FAM171A1: variants seen among roughly 807,000 people sequenced by gnomAD.
The protein encoded by FAM171A1 is family with sequence similarity 171 member A1.
FAM171A1 carries 23 observed loss-of-function variants against 74.9 expected under a neutral mutation model. That is an observed-to-expected ratio of 0.31 (90% CI 0.22 to 0.44). The LOEUF (loss-of-function observed/expected upper bound fraction) is 0.44. FAM171A1 is among the 20% of genes least tolerant of loss of function. The probability of loss-of-function intolerance (pLI) is 1.00; values close to 1 mark genes in which losing one functional copy is unlikely to be tolerated. For synonymous variants in FAM171A1, 527 were observed against 505.7 expected (o/e 1.04, Z -0.57); for missense variants, 1,162 against 1,159.2 (o/e 1.00, Z -0.03).
chr10:15,342,155 TGA>T (rs1835771764), intron 1 of FAM171A1, among the ~76,000 whole-genome samples: 2 of 152,372 alleles, frequency 1.3e-5, no homozygotes. Context: ...CAAGCCATCC[TGA>T]GAGTCGTTTC....
intron 5 of FAM171A1, 78 bp from the exon 6 acceptor site, chr10:15,221,138 T>C: frequency 8.7e-7 from 1 of 1,146,796 alleles, no homozygotes; most frequent in Non-Finnish European, 1.3e-6. Flanking sequence ...GTAAAAGTCA[T>C]CTTAAATATC....
intron 2 of FAM171A1, among the ~76,000 whole-genome samples, chr10:15,281,937 T>C (rs1834975706): frequency 1.3e-5 from 2 of 152,324 alleles, no homozygotes; most frequent in African/African-American, 4.8e-5. Context: ...TCAAAATGAA[T>C]GTGATCAAAG....
intron 3 of FAM171A1, among the ~76,000 whole-genome samples, chr10:15,263,789 T>C (rs1461962084): frequency 7.2e-6 from 1 of 138,710 alleles, no homozygotes; most frequent in Non-Finnish European, 1.6e-5. Context: ...CTATCTATCA[T>C]CTATCCATCT....
intron 1 of FAM171A1, among the ~76,000 whole-genome samples, chr10:15,284,451 C>T (rs987581503): frequency 1.3e-5 from 2 of 152,084 alleles, no homozygotes; most frequent in Non-Finnish European, 2.9e-5. Flanking sequence ...TTGAAACAGT[C>T]TCACTCTGTT....
At chr10:15,326,555 C>A (rs563301377) in intron 1 of FAM171A1, among the ~76,000 whole-genome samples, 1 of 152,124 alleles carries the variant, frequency 6.6e-6, no homozygotes, top group African/African-American at 2.4e-5. Flanking sequence ...CTCAGGTGAT[C>A]CACCTGCCTC....
At chr10:15,221,784 T>C (rs1007107826) in intron 5 of FAM171A1, among the ~76,000 whole-genome samples, 16 of 151,914 alleles carry the variant, frequency 1.1e-4, no homozygotes, top group Admixed American at 6.6e-4. Context: ...ACAAAACTTT[T>C]CCAAGGCCTC....
chr10:15,290,912 A>T (rs11259597), intron 1 of FAM171A1, among the ~76,000 whole-genome samples: 1 of 151,934 alleles, frequency 6.6e-6, no homozygotes, highest in African/African-American at 2.4e-5. Context: ...TGTTTTGTTT[A>T]GAGTCTTAGC....
chr10:15,228,748 C>G (rs973182730), intron 5 of FAM171A1, among the ~76,000 whole-genome samples: 1 of 152,228 alleles, frequency 6.6e-6, no homozygotes. Context: ...ATACAGATGA[C>G]TTCCCTGGAT....
chr10:15,275,916 T>C lies in FAM171A1; in HGVS notation c.357A>G (p.Pro119=). 6.2e-7 allele frequency: 1 copy of C among 1,613,062 alleles called. No homozygotes were observed. The highest frequency in any genetic ancestry group is 8.5e-7 in the Non-Finnish European group (1 of 1,179,340). Residue 119 remains proline (P), a synonymous_variant, in exon 3 of 8, where the codon CCA becomes CCG. Coordinates refer to ENST00000378116, the MANE Select transcript of FAM171A1 (RefSeq NM_001010924.2). The part of the protein sequence containing the change: ...VFSSLSLGLL[P]ERSATLMVYE... ...ATACCATTAGAGTGGCAGAGCGTTC[T>C]GGAAGCAGGCCAAGGCTCAGAGAGG...
At chr10:15,321,660 A>T (rs1440664077) in intron 1 of FAM171A1, among the ~76,000 whole-genome samples, 1 of 152,250 alleles carries the variant, frequency 6.6e-6, no homozygotes, top group Non-Finnish European at 1.5e-5. Context: ...AAATACTGGC[A>T]TTCCTGGTCA....
Position 15,213,817 on chromosome 10 carries a change from G to C in FAM171A1, c.1771C>G (p.Pro591Ala). The C allele has an allele frequency of 6.2e-7, 1 of 1,614,172 alleles. No homozygotes were observed. The highest frequency in any genetic ancestry group is 8.5e-7 in the Non-Finnish European group (1 of 1,180,044). ...LVIPAHYMKL[P>A]GDHSYVSQPL... ...TGGCTGACATAGGAGTGGTCCCCGG[G>C]GAGTTTCATATAATGAGCCGGGATG... is the stretch of plus-strand genomic sequence containing the variant. The change falls in exon 8 of 8, where the codon CCC (proline) becomes GCC (alanine). Residue 591 changes from proline (P) to alanine (A), a missense_variant. Physicochemically the swap from Pro to Ala is conservative, Grantham distance 27 (BLOSUM62 -1). Coordinates refer to ENST00000378116, the MANE Select transcript of FAM171A1 (RefSeq NM_001010924.2). This position sits in a 1 kb window ranked among gnomAD's most constrained non-coding sequence, Gnocchi z 6.8.
chr10:15,363,261 G>T (rs896425048), intron 1 of FAM171A1, among the ~76,000 whole-genome samples: 18 of 152,204 alleles, frequency 1.2e-4, no homozygotes, highest in Non-Finnish European at 1.2e-4. Context: ...GACATACTTC[G>T]CATTATTCTG....
intron 1 of FAM171A1, among the ~76,000 whole-genome samples, chr10:15,321,532 G>A (rs1835486628): frequency 6.6e-6 from 1 of 152,148 alleles, no homozygotes; most frequent in East Asian, 1.9e-4. Context: ...TCAAATAGTG[G>A]ATTTCCAATT....
At chr10:15,272,346 T>C (rs1169400861) in intron 3 of FAM171A1, among the ~76,000 whole-genome samples, 1 of 152,146 alleles carries the variant, frequency 6.6e-6, no homozygotes, top group African/African-American at 2.4e-5. Context: ...GAGCTAACTG[T>C]CCTAAATATA....
chr10:15,349,143 G>A (rs887022297), intron 1 of FAM171A1, among the ~76,000 whole-genome samples: 8 of 152,144 alleles, frequency 5.3e-5, no homozygotes, highest in African/African-American at 1.7e-4. Flanking sequence ...AAGCTAGGAA[G>A]TCCCTTAGAT....
At chr10:15,318,285 C>A (rs190582576) in intron 1 of FAM171A1, among the ~76,000 whole-genome samples, 5 of 152,238 alleles carry the variant, frequency 3.3e-5, no homozygotes, top group Admixed American at 1.3e-4. Flanking sequence ...CCAGTGAATC[C>A]GGAGAAAGAG....
At chr10:15,230,707 A>G (rs12242174) in intron 5 of FAM171A1, among the ~76,000 whole-genome samples, 21,872 of 152,254 alleles carry the variant, frequency 0.14, 1,682 homozygotes, top group Middle Eastern at 0.19. Flanking sequence ...TTTAGGAAAG[A>G]AGCAGTTATG....
At chr10:15,362,902 T>C (rs181396607) in intron 1 of FAM171A1, among the ~76,000 whole-genome samples, 95 of 152,310 alleles carry the variant, frequency 6.2e-4, no homozygotes, top group African/African-American at 2.1e-3. Context: ...TCCAATAGGA[T>C]TGTAAACTTT....
At chr10:15,228,804 G>A (rs146493300) in intron 5 of FAM171A1, among the ~76,000 whole-genome samples, 85 of 152,334 alleles carry the variant, frequency 5.6e-4, no homozygotes, top group Middle Eastern at 6.8e-3. Context: ...CTTCCTAGTC[G>A]TGTGCGCTGA....
Sources: gnomAD v4.1 joint callset for allele counts (sites outside exome capture counted in the v4.1 genomes callset) on GRCh38, gnomAD v4.1.1 for gene constraint, Gnocchi (gnomAD v3.1) non-coding constraint, MANE v1.5 for transcripts, NCBI Gene and HGNC (gene_info 2026-07-23, HGNC 2026-07-21) for gene names.